Variants in ST18 observed in about 807,000 individuals in gnomAD.
ST18 encodes ST18 C2H2C-type zinc finger transcription factor, also known as suppression of tumorigenicity 18 protein.
In ST18, 50 loss-of-function variants were observed where a neutral mutation model predicts 110.0. That is an observed-to-expected ratio of 0.45 (90% CI 0.36 to 0.58). The LOEUF is 0.58. Among genes scored for constraint, ST18 ranks in the 20% least tolerant of loss-of-function variants. The pLI, the probability that ST18 is intolerant of heterozygous loss-of-function variation, is 0.00. For synonymous variants in ST18, 461 were observed against 452.4 expected, an observed-to-expected ratio of 1.02 and a Z score of -0.24; for missense variants, 1,306 against 1,280.1, an observed-to-expected ratio of 1.02 and a Z score of -0.31.
At chr8:52,242,278 G>C (rs2093477154) in intron 2 of ST18, among the ~76,000 whole-genome samples, 1 of 152,184 alleles carries the variant, frequency 6.6e-6, no homozygotes, top group Non-Finnish European at 1.5e-5. Context: ...AAGCAACTGA[G>C]CCTTCTTTCA....
intron 2 of ST18, among the ~76,000 whole-genome samples, chr8:52,323,225 C>T (rs1057245796): frequency 1.7e-4 from 26 of 152,218 alleles, no homozygotes; most frequent in Non-Finnish European, 3.4e-4. Flanking sequence ...GAGGCTAGAG[C>T]TCTTGACTCC....
intron 15 of ST18, chr8:52,154,862 C>CA (rs1266164406): frequency 1.4e-5 from 2 of 142,838 alleles, no homozygotes; most frequent in Non-Finnish European, 1.5e-5. Flanking sequence ...GCCTAGGTGA[C>CA]AGAGCAGATC....
At chr8:52,123,893 C>T (rs574548521) in intron 23 of ST18, among the ~76,000 whole-genome samples, 1 of 152,116 alleles carries the variant, frequency 6.6e-6, no homozygotes, top group South Asian at 2.1e-4. Flanking sequence ...AATTTATATT[C>T]TGTTTACAGT....
At chr8:52,288,252 G>A (rs557992501) in intron 2 of ST18, among the ~76,000 whole-genome samples, 1 of 152,248 alleles carries the variant, frequency 6.6e-6, no homozygotes, top group South Asian at 2.1e-4. Flanking sequence ...TGGGAATGCT[G>A]CATCCTCACA....
intron 8 of ST18, among the ~76,000 whole-genome samples, chr8:52,186,847 C>T (rs1002984248): frequency 1.3e-5 from 2 of 152,076 alleles, no homozygotes; most frequent in Non-Finnish European, 2.9e-5. Flanking sequence ...TCGATGAAGG[C>T]GGAGTCAGGG....
intron 2 of ST18, among the ~76,000 whole-genome samples, chr8:52,389,531 T>G (rs1037450511): frequency 1.3e-5 from 2 of 152,152 alleles, no homozygotes; most frequent in African/African-American, 2.4e-5. Flanking sequence ...ACTGGTTGTG[T>G]GCTCTAGGTA....
intron 2 of ST18, among the ~76,000 whole-genome samples, chr8:52,284,598 C>T (rs934987105): frequency 2.6e-5 from 4 of 151,874 alleles, no homozygotes; most frequent in Admixed American, 6.6e-5. Context: ...AAAAACATCA[C>T]ACTCAAGGGG....
At chr8:52,280,116 T>C (rs1485860131) in intron 2 of ST18, among the ~76,000 whole-genome samples, 6 of 151,926 alleles carry the variant, frequency 3.9e-5, no homozygotes, top group Non-Finnish European at 7.4e-5. Context: ...AATTTTAAAC[T>C]TAAGTAAAAC....
rs146251845 is a variant in ST18 at position 52,369,018 on chromosome 8, T to A, written c.-465+40310A>T. Among the ~76,000 whole-genome samples, 751 of 152,200 alleles carry A rather than the reference T, an allele frequency of 4.9e-3. 9 individuals are homozygous for A. Among genetic ancestry groups the A allele is most frequent in the African/African-American group, 0.017 (693 of 41,524 alleles). ...AAGGGCCAGAAAGTCAGTCCTTCGC[T>A]TGACAACCACATCCTAGCAATCACG... On this transcript the variant is annotated intron_variant, in intron 2 of 25. Transcript: ENST00000689386.
intron 2 of ST18, among the ~76,000 whole-genome samples, chr8:52,376,742 C>T (rs1255437240): frequency 1.3e-5 from 2 of 152,164 alleles, no homozygotes; most frequent in African/African-American, 2.4e-5. Flanking sequence ...CACACCTGTT[C>T]TCTAGGGAGG....
chr8:52,405,628 G>A (rs1398717162), intron 2 of ST18: 2 of 152,096 alleles, frequency 1.3e-5, no homozygotes, highest in Non-Finnish European at 2.9e-5. Flanking sequence ...ATTATTCAAA[G>A]TGACAATCAC....
intron 2 of ST18, among the ~76,000 whole-genome samples, chr8:52,388,200 T>C (rs1433613773): frequency 6.6e-6 from 1 of 152,092 alleles, no homozygotes; most frequent in Non-Finnish European, 1.5e-5. Context: ...ATGTCATCTG[T>C]GAGAAACACT....
In ST18 at chr8:52,150,020, A is replaced by C. The variant is rs756486846; in HGVS notation, c.1807-43T>G. ...ACAGAAAAACATTTAAGCAGTTTGC[A>C]GTTACAGCCTAGCCATGTGGGGCTT... On this transcript the variant is annotated intron_variant, in intron 15 of 25. Coordinates refer to ENST00000689386, the MANE Select transcript of ST18 (RefSeq NM_001352837.2). 2.0e-5 allele frequency: 32 copies of C among 1,582,764 alleles called. 2 individuals carry two copies. The South Asian group carries it at 3.2e-4, about 16-fold the overall frequency.
intron 18 of ST18, 110 bp from the exon 19 acceptor site, chr8:52,136,768 G>A (rs564066450): frequency 1.1e-6 from 1 of 930,076 alleles, no homozygotes; most frequent in East Asian, 2.8e-5. Flanking sequence ...ACTGGGGATT[G>A]GGAAAAAAAA....
chr8:52,178,648 C>CAAAAAAAAAAAAAAAAAAAAAAAAAAA (rs2068035729), intron 9 of ST18, among the ~76,000 whole-genome samples: 1 of 37,418 alleles, frequency 2.7e-5, no homozygotes, highest in African/African-American at 1.1e-4. Context: ...AAAAAACCAC[C>CAAAAAAAAAAAAAAAAAAAAAAAAAAA]AAAAACCAAA....
intron 2 of ST18, among the ~76,000 whole-genome samples, chr8:52,291,376 A>G (rs576848037): frequency 2.0e-5 from 3 of 152,336 alleles, no homozygotes; most frequent in African/African-American, 7.2e-5. Flanking sequence ...ACTGCTTGTT[A>G]AGGGTTATTA....
intron 2 of ST18, among the ~76,000 whole-genome samples, chr8:52,364,595 G>A (rs1473917824): frequency 6.6e-6 from 1 of 152,208 alleles, no homozygotes; most frequent in African/African-American, 2.4e-5. Flanking sequence ...TTATCATTAT[G>A]ACCAAATCTA....
At chr8:52,389,047 A>T (rs1187294701) in intron 2 of ST18, among the ~76,000 whole-genome samples, 1 of 151,690 alleles carries the variant, frequency 6.6e-6, no homozygotes, top group Non-Finnish European at 1.5e-5. Flanking sequence ...AGGGCCCGAG[A>T]AGCGTGCAGC....
chr8:52,227,997 A>G (rs2090058858), intron 3 of ST18, among the ~76,000 whole-genome samples: 1 of 152,186 alleles, frequency 6.6e-6, no homozygotes, highest in Non-Finnish European at 1.5e-5. Context: ...CACTTTTCAG[A>G]TGCTTGAGAT....
Sources: allele counts gnomAD v4.1 joint callset (sites outside exome capture counted in the v4.1 genomes callset), GRCh38; gene constraint gnomAD v4.1.1; transcripts MANE v1.5; gene names NCBI Gene and HGNC (gene_info 2026-07-23, HGNC 2026-07-21).